NEDD9: variants seen among roughly 807,000 people sequenced by gnomAD.
NEDD9 encodes neural precursor cell expressed, developmentally down-regulated 9.
In NEDD9, 26 loss-of-function variants were observed where a neutral mutation model predicts 76.6. The observed-to-expected ratio is 0.34, with a 90% CI of 0.25 to 0.47. NEDD9 has a LOEUF of 0.47. Ranked by LOEUF, NEDD9 falls within the 20% of genes least tolerant of loss-of-function variation. The pLI is 1.00. For missense variants in NEDD9, 937 were observed against 1,058.5 expected (o/e 0.89, Z 1.59); for synonymous variants, 392 against 414.2 (o/e 0.95, Z 0.65).
At chr6:11,362,087 G>A (rs746416135) in intron 1 of NEDD9, among the ~76,000 whole-genome samples, 22 of 152,192 alleles carry the variant, frequency 1.4e-4, no homozygotes, top group Non-Finnish European at 2.6e-4. Context: ...ATGGTGATAG[G>A]AGGGGAGGGC....
intron 3 of NEDD9, among the ~76,000 whole-genome samples, chr6:11,262,808 A>G (rs1052206059): frequency 6.6e-6 from 1 of 152,276 alleles, no homozygotes; most frequent in African/African-American, 2.4e-5. Flanking sequence ...GAATTCAGGT[A>G]AATTATGACA....
chr6:11,240,490 C>T lies in NEDD9; in HGVS notation c.13-26763G>A, dbSNP rs75567855. Among the ~76,000 whole-genome samples, 18 of 152,282 alleles carry T rather than the reference C, an allele frequency of 1.2e-4. No homozygotes were observed. In the East Asian group the frequency reaches 3.3e-3, roughly 28 times the overall value. On this transcript the variant is annotated intron_variant, in intron 3 of 3. Coordinates refer to the NEDD9 transcript ENST00000397378. ...TCTTGATAAACCATGAAATAGAACACGTAAAACCGTGTCACTACCGTGCTA... is the reference window on the plus strand; with the variant it reads ...TCTTGATAAACCATGAAATAGAACATGTAAAACCGTGTCACTACCGTGCTA...
chr6:11,309,275 T>C (rs1761293382), intron 2 of NEDD9, among the ~76,000 whole-genome samples: 1 of 152,260 alleles, frequency 6.6e-6, no homozygotes, highest in Admixed American at 6.5e-5. Flanking sequence ...TTCCACTGTA[T>C]GGATATGCCA....
chr6:11,196,682 C>G (rs1219440218), intron 2 of NEDD9, among the ~76,000 whole-genome samples: 1 of 152,054 alleles, frequency 6.6e-6, no homozygotes, highest in East Asian at 1.9e-4. Flanking sequence ...AAACGCCAAC[C>G]GAATACAGCA....
In NEDD9 at chr6:11,213,375, G is replaced by T; in HGVS notation, c.365C>A (p.Thr122Asn). 1 of 1,614,086 alleles carries T rather than the reference G, an allele frequency of 6.2e-7. No homozygotes were observed. Among genetic ancestry groups the T allele is most frequent in the Non-Finnish European group, 8.5e-7 (1 of 1,180,028 alleles). The stretch of plus-strand genomic sequence containing the variant: ...CTCTTGTTCTTGGGTGCCGTGGCCA[G>T]TGGGGACTTGGTAAATTCCCTGATT... Reference protein sequence around the residue: ...YQNQGIYQVPTGHGTQEQEVY... With the variant: ...YQNQGIYQVPNGHGTQEQEVY... The change falls in exon 2 of 7, where the codon ACT becomes AAT. Residue 122 changes from threonine (T) to asparagine (N), a missense_variant. Transcript: ENST00000379446. The surrounding 1 kb of genome is among the most constrained non-coding windows in gnomAD (Gnocchi z 5.4).
At chr6:11,281,726 T>A (rs1233383665) in intron 3 of NEDD9, among the ~76,000 whole-genome samples, 1 of 152,120 alleles carries the variant, frequency 6.6e-6, no homozygotes, top group Non-Finnish European at 1.5e-5. Flanking sequence ...ATAACCAACC[T>A]CAGGATTACT....
chr6:11,278,278 C>T (rs1051733291), intron 3 of NEDD9, among the ~76,000 whole-genome samples: 4 of 152,188 alleles, frequency 2.6e-5, no homozygotes, highest in African/African-American at 7.2e-5. Flanking sequence ...CTGCCAGACC[C>T]TGCCTGTAAC....
chr6:11,311,770 C>T (rs546270922), intron 2 of NEDD9, among the ~76,000 whole-genome samples: 6 of 152,246 alleles, frequency 3.9e-5, no homozygotes, highest in South Asian at 4.1e-4. Context: ...CACTTTGGGT[C>T]GGGCGCAGAA....
chr6:11,228,884 A>G (rs1759387208), intron 1 of NEDD9, among the ~76,000 whole-genome samples: 1 of 152,262 alleles, frequency 6.6e-6, no homozygotes, highest in East Asian at 1.9e-4. Flanking sequence ...CAAGGTTTAA[A>G]AAGGAAAAGG....
In NEDD9 at chr6:11,257,810, T is replaced by TGTGTGTGTGTGTGTGC. The variant is rs1340885962; in HGVS notation, c.13-44084_13-44083insGCACACACACACACAC. 3.8e-3 allele frequency among the ~76,000 whole-genome samples: 573 copies of TGTGTGTGTGTGTGTGC among 151,352 alleles called. 5 individuals are homozygous for TGTGTGTGTGTGTGTGC. Among genetic ancestry groups the TGTGTGTGTGTGTGTGC allele is most frequent in the African/African-American group, 0.013 (529 of 40,996 alleles). On this transcript the variant is annotated intron_variant, in intron 3 of 3. Coordinates refer to the NEDD9 transcript ENST00000397378. ...GTGTGTGTGTGTGTGTGTGTGTGTGTGCAGTACGGCATCAAAGGTTATCTT... is the reference window on the plus strand; with the variant it reads ...GTGTGTGTGTGTGTGTGTGTGTGTGTGTGTGTGTGTGTGTGCGCAGTACGGCATCAAAGGTTATCTT...
At chr6:11,361,795 A>G (rs1762683976) in intron 1 of NEDD9, among the ~76,000 whole-genome samples, 1 of 152,192 alleles carries the variant, frequency 6.6e-6, no homozygotes, top group Non-Finnish European at 1.5e-5. Flanking sequence ...AACAACATTC[A>G]GCATCACAAT....
intron 2 of NEDD9, among the ~76,000 whole-genome samples, chr6:11,330,853 C>A (rs1261929156): frequency 6.6e-6 from 1 of 152,176 alleles, no homozygotes; most frequent in Non-Finnish European, 1.5e-5. Context: ...TGGCTGGCAC[C>A]CCAAGCAAGT....
At chr6:11,236,102 GA>G (rs1759593678), upstream of NEDD9, among the ~76,000 whole-genome samples, 1 of 152,164 alleles carries the variant, frequency 6.6e-6, no homozygotes, top group Non-Finnish European at 1.5e-5. The surrounding 1 kb of genome is among the most constrained non-coding windows in gnomAD (Gnocchi z 5.5). Flanking sequence ...AGTGAATACA[GA>G]AACAATTCCC....
intron 1 of NEDD9, among the ~76,000 whole-genome samples, chr6:11,381,274 T>G (rs892094127): frequency 1.3e-5 from 2 of 152,172 alleles, no homozygotes; most frequent in Admixed American, 6.6e-5. Context: ...AAGGAGGGAC[T>G]CCCCATGCAG....
intron 3 of NEDD9, among the ~76,000 whole-genome samples, chr6:11,254,126 CT>C (rs1197786340): frequency 1.3e-5 from 2 of 149,880 alleles, no homozygotes; most frequent in African/African-American, 4.9e-5. Flanking sequence ...ACTTTTCTTT[CT>C]TTTTTTTTTC....
intron 2 of NEDD9, among the ~76,000 whole-genome samples, chr6:11,320,502 G>A (rs553592410): frequency 1.3e-5 from 2 of 152,156 alleles, no homozygotes; most frequent in Non-Finnish European, 2.9e-5. Context: ...CCAGACTGCA[G>A]GTGCATACAG....
chr6:11,228,123 T>G (rs1759362870), intron 1 of NEDD9, among the ~76,000 whole-genome samples: 5 of 150,962 alleles, frequency 3.3e-5, no homozygotes, highest in South Asian at 2.1e-4. Flanking sequence ...AGTAGGGGGT[T>G]GGAAGTAAGA....
At chr6:11,287,047 A>G (rs1256353930) in intron 3 of NEDD9, among the ~76,000 whole-genome samples, 2 of 152,240 alleles carry the variant, frequency 1.3e-5, no homozygotes, top group Non-Finnish European at 2.9e-5. Context: ...TTAAAAAATA[A>G]AGGTGTAATT....
chr6:11,262,233 G>A (rs1760128061), intron 3 of NEDD9, among the ~76,000 whole-genome samples: 3 of 152,150 alleles, frequency 2.0e-5, no homozygotes, highest in African/African-American at 4.8e-5. Flanking sequence ...GGAAGCAGAG[G>A]AGGAAATTAG....
Sources: allele counts gnomAD v4.1 joint callset (sites outside exome capture counted in the v4.1 genomes callset), GRCh38; gene constraint gnomAD v4.1.1; non-coding constraint Gnocchi (gnomAD v3.1); transcripts MANE v1.5; gene names NCBI Gene and HGNC (gene_info 2026-07-23, HGNC 2026-07-21).